Variants in ARHGAP22 observed in about 807,000 individuals in gnomAD.
ARHGAP22 encodes the protein Rho GTPase activating protein 22.
ARHGAP22 carries 48 observed loss-of-function variants against 59.1 expected under a neutral mutation model. That is an observed-to-expected ratio of 0.81 (90% CI 0.64 to 1.03). ARHGAP22 has a LOEUF of 1.03. Ranked by LOEUF, ARHGAP22 falls within the 50% of genes least tolerant of loss-of-function variation. The probability of loss-of-function intolerance (pLI) is 0.00; values close to 1 mark genes in which losing one functional copy is unlikely to be tolerated. For synonymous variants in ARHGAP22, 445 were observed against 416.4 expected (o/e 1.07, Z -0.84); for missense variants, 1,015 against 958.7 (o/e 1.06, Z -0.78).
chr10:48,446,274 T>G lies in ARHGAP22; in HGVS notation c.*117A>C. The G allele has an allele frequency of 2.8e-6, 3 of 1,080,790 alleles. No homozygotes were observed. The highest frequency in any genetic ancestry group is 4.0e-6 in the Non-Finnish European group (3 of 748,218). The allele number at this position is 1,080,790 out of a possible 1,614,324, so 67.0% of individuals were successfully genotyped here. On this transcript the variant is annotated 3_prime_UTR_variant, in exon 10 of 10. Coordinates refer to ENST00000249601, the MANE Select transcript of ARHGAP22 (RefSeq NM_021226.4). ...CAGTCCCCACAGAGGTATCAGGATC[T>G]CTCTCTCTCCAGCTGGCTCCAGAGC...
At chr10:48,603,505 G>A (rs1171546506) in intron 1 of ARHGAP22, among the ~76,000 whole-genome samples, 1 of 152,146 alleles carries the variant, frequency 6.6e-6, no homozygotes, top group African/African-American at 2.4e-5. Context: ...AAAATTTGGT[G>A]TGTCTTTTTC....
chr10:48,527,945 A>C (rs546064954), intron 3 of ARHGAP22, among the ~76,000 whole-genome samples: 1 of 152,234 alleles, frequency 6.6e-6, no homozygotes, highest in Non-Finnish European at 1.5e-5. Context: ...TCCAGTGGGC[A>C]CAATGGGCTC....
At chr10:48,547,751 TGC>T (rs2056568532) in intron 3 of ARHGAP22, among the ~76,000 whole-genome samples, 1 of 152,230 alleles carries the variant, frequency 6.6e-6, no homozygotes, top group Admixed American at 6.5e-5. Context: ...AAGTAGGAAT[TGC>T]TCCTGAGTGT....
At chr10:48,630,002 G>A (rs573481908) in intron 1 of ARHGAP22, among the ~76,000 whole-genome samples, 11 of 152,194 alleles carry the variant, frequency 7.2e-5, no homozygotes, top group African/African-American at 2.7e-4. Flanking sequence ...ACTTTCAATT[G>A]TTCATTGCTG....
At chr10:48,490,246 C>G (rs1206660668) in intron 3 of ARHGAP22, among the ~76,000 whole-genome samples, 1 of 152,122 alleles carries the variant, frequency 6.6e-6, no homozygotes, top group Non-Finnish European at 1.5e-5. Flanking sequence ...TAAGTGTTCC[C>G]TTTTATTATC....
At chr10:48,432,206 C>T in the ARHGAP22 span, among the ~76,000 whole-genome samples, 1 of 152,068 alleles carries the variant, frequency 6.6e-6, no homozygotes, top group Admixed American at 6.5e-5. Flanking sequence ...TAAAACTATG[C>T]CATTTTAATT....
chr10:48,475,547 C>T (rs913146657), intron 4 of ARHGAP22, among the ~76,000 whole-genome samples: 2 of 152,204 alleles, frequency 1.3e-5, no homozygotes, highest in African/African-American at 2.4e-5. Context: ...ATTAGCTTCC[C>T]ATTGCTTAGA....
chr10:48,653,430 G>A (rs2062639491), upstream of ARHGAP22, among the ~76,000 whole-genome samples: 1 of 152,228 alleles, frequency 6.6e-6, no homozygotes, highest in African/African-American at 2.4e-5. Context: ...GGGGTGTGTT[G>A]GGGGAATGTC....
intron 9 of ARHGAP22, among the ~76,000 whole-genome samples, chr10:48,448,130 A>T (rs963278543): frequency 1.3e-5 from 2 of 152,118 alleles, no homozygotes; most frequent in Non-Finnish European, 2.9e-5. Flanking sequence ...TCACTCCACG[A>T]AAAACCAGAG....
downstream of ARHGAP22, among the ~76,000 whole-genome samples, chr10:48,441,181 GTGT>G (rs1203128186): frequency 2.6e-5 from 4 of 152,312 alleles, no homozygotes; most frequent in South Asian, 8.3e-4. Flanking sequence ...TGTGAGGTCT[GTGT>G]TGTTTGCTTG....
chr10:48,647,990 T>C (rs1039683052), intron 1 of ARHGAP22, among the ~76,000 whole-genome samples: 5 of 152,192 alleles, frequency 3.3e-5, no homozygotes, highest in African/African-American at 9.7e-5. Context: ...AAAAGGCACA[T>C]TTATGAAGAC....
At chr10:48,500,954 T>A (rs981306798) in intron 3 of ARHGAP22, among the ~76,000 whole-genome samples, 3 of 149,364 alleles carry the variant, frequency 2.0e-5, no homozygotes, top group Non-Finnish European at 4.4e-5. Flanking sequence ...GGCTCAACCA[T>A]GGGAGAAATT....
intron 3 of ARHGAP22, among the ~76,000 whole-genome samples, chr10:48,490,012 T>TGTAA (rs920049524): frequency 2.6e-5 from 4 of 152,082 alleles, no homozygotes; most frequent in African/African-American, 9.7e-5. Flanking sequence ...GGATTACAGG[T>TGTAA]GTAAGCCACC....
intron 3 of ARHGAP22, among the ~76,000 whole-genome samples, chr10:48,523,146 T>G (rs2134765453): frequency 6.6e-6 from 1 of 152,276 alleles, no homozygotes; most frequent in South Asian, 2.1e-4. Context: ...TGCCTTACCC[T>G]ATATGGTTTA....
chr10:48,619,325 T>C (rs571634664), intron 1 of ARHGAP22, among the ~76,000 whole-genome samples: 4 of 152,074 alleles, frequency 2.6e-5, no homozygotes, highest in Admixed American at 6.5e-5. Context: ...ACATTCTTCA[T>C]AGAAATGGAA....
intron 1 of ARHGAP22, among the ~76,000 whole-genome samples, chr10:48,628,898 C>T (rs3888208): frequency 0.16 from 24,076 of 152,092 alleles, 2,450 homozygotes; most frequent in East Asian, 0.28. Context: ...GAGGCCACCA[C>T]CCTCAAGGTG....
chr10:48,593,973 A>C (rs536107610), intron 1 of ARHGAP22, among the ~76,000 whole-genome samples: 2 of 152,214 alleles, frequency 1.3e-5, no homozygotes, highest in African/African-American at 2.4e-5. Flanking sequence ...GAAGGGAATG[A>C]ATTTTTTTAT....
chr10:48,516,520 C>G (rs2053306435), intron 3 of ARHGAP22, among the ~76,000 whole-genome samples: 1 of 142,302 alleles, frequency 7.0e-6, no homozygotes, highest in African/African-American at 2.5e-5. Flanking sequence ...AGAGCAAGAC[C>G]CTGTCTCAAA....
chr10:48,500,659 G>A (rs1430060993), intron 3 of ARHGAP22, among the ~76,000 whole-genome samples: 1 of 152,142 alleles, frequency 6.6e-6, no homozygotes, highest in Non-Finnish European at 1.5e-5. Flanking sequence ...AGGCTGAGGT[G>A]GGCGGATCAC....
Sources: allele counts gnomAD v4.1 joint callset (sites outside exome capture counted in the v4.1 genomes callset), GRCh38; gene constraint gnomAD v4.1.1; transcripts MANE v1.5; gene names NCBI Gene and HGNC (gene_info 2026-07-23, HGNC 2026-07-21).